Variants in ESCO1 observed in about 807,000 individuals in gnomAD.
ESCO1 encodes the protein establishment of sister chromatid cohesion N-acetyltransferase 1.
Under a neutral mutation model 83.5 loss-of-function variants are expected in ESCO1, and 33 were observed. The ratio of observed to expected loss-of-function variants is 0.40; its 90% CI spans 0.30 to 0.53. The LOEUF is 0.53. ESCO1 is among the 20% of genes least tolerant of loss of function. The probability of loss-of-function intolerance (pLI) is 0.63; values close to 1 mark genes in which losing one functional copy is unlikely to be tolerated. For synonymous variants in ESCO1, 332 were observed against 324.3 expected (o/e 1.02, Z -0.25); for missense variants, 855 against 968.0 (o/e 0.88, Z 1.55).
intron 1 of ESCO1, among the ~76,000 whole-genome samples, chr18:21,585,310 C>T (rs1238334965): frequency 1.3e-5 from 2 of 152,126 alleles, no homozygotes; most frequent in Non-Finnish European, 2.9e-5. Flanking sequence ...TTATTTTGGC[C>T]TCGGTGGGGA....
Position 21,574,165 on chromosome 18 carries a change from A to C in ESCO1, c.679T>G (p.Cys227Gly), listed in dbSNP as rs748068386. Residue 227 changes from cysteine (C) to glycine (G), a missense_variant, in exon 4 of 12, where the codon TGT becomes GGT. By Grantham distance (159) the Cys-to-Gly change is radical. Transcript: ENST00000269214. ...SSQCTQGSEK[C>G]PQKTTRRDET... ...TCTCTTCTAGTAGTCTTCTGAGGACACTTTTCAGATCCTTGCGTGCATTGA... is the reference window on the plus strand; with the variant it reads ...TCTCTTCTAGTAGTCTTCTGAGGACCCTTTTCAGATCCTTGCGTGCATTGA... 3.1e-6 allele frequency: 5 copies of C among 1,613,876 alleles called. No homozygotes were observed. The East Asian group carries it at 8.9e-5, about 29-fold the overall frequency.
chr18:21,592,282 A>G (rs566188009), intron 1 of ESCO1, among the ~76,000 whole-genome samples: 10 of 138,752 alleles, frequency 7.2e-5, no homozygotes, highest in South Asian at 2.4e-4. Context: ...TGGACGGGGC[A>G]GCTGGCCGGG....
chr18:21,552,355 C>T (rs546187888), intron 8 of ESCO1, among the ~76,000 whole-genome samples: 61 of 152,216 alleles, frequency 4.0e-4, no homozygotes, highest in Admixed American at 7.2e-4. Flanking sequence ...AGGTAATTGA[C>T]TCATGGGGGT....
chr18:21,590,413 G>C (rs1181728052), intron 1 of ESCO1, among the ~76,000 whole-genome samples: 4 of 149,562 alleles, frequency 2.7e-5, no homozygotes, highest in African/African-American at 7.4e-5. Flanking sequence ...GTAGAGATGG[G>C]GTTTCACCAT....
chr18:21,579,830 A>G (rs1021438836), intron 2 of ESCO1, among the ~76,000 whole-genome samples: 1 of 141,828 alleles, frequency 7.1e-6, no homozygotes, highest in Non-Finnish European at 1.6e-5. Context: ...ACACACACAC[A>G]CACACACACA....
chr18:21,592,609 C>T (rs1484844186), intron 1 of ESCO1, among the ~76,000 whole-genome samples: 1 of 148,964 alleles, frequency 6.7e-6, no homozygotes, highest in East Asian at 2.0e-4. Context: ...GAGGCTGACC[C>T]CCCCACCTCC....
chr18:21,557,707 T>C (rs966694808), intron 8 of ESCO1, among the ~76,000 whole-genome samples: 6 of 152,162 alleles, frequency 3.9e-5, no homozygotes, highest in African/African-American at 1.4e-4. Context: ...CAAGAACACA[T>C]ACATTGTTCT....
At chr18:21,549,975 AAAG>A (rs1291110487) in intron 8 of ESCO1, among the ~76,000 whole-genome samples, 6 of 152,096 alleles carry the variant, frequency 3.9e-5, no homozygotes, top group South Asian at 4.1e-4. Context: ...AAAAAAAAAA[AAAG>A]AAGGTCACAA....
At chr18:21,589,359 C>T (rs911557516) in intron 1 of ESCO1, among the ~76,000 whole-genome samples, 1 of 152,186 alleles carries the variant, frequency 6.6e-6, no homozygotes, top group Non-Finnish European at 1.5e-5. Context: ...TTTTCCTACA[C>T]AACCCTAGGA....
intron 8 of ESCO1, among the ~76,000 whole-genome samples, chr18:21,546,537 T>TG (rs1163731828): frequency 6.6e-6 from 1 of 152,146 alleles, no homozygotes; most frequent in Non-Finnish European, 1.5e-5. Flanking sequence ...GCATTTTAAT[T>TG]GTTTTAGTAG....
At chr18:21,558,162 T>G (rs946833392) in intron 8 of ESCO1, among the ~76,000 whole-genome samples, 3 of 151,902 alleles carry the variant, frequency 2.0e-5, no homozygotes, top group African/African-American at 4.8e-5. Flanking sequence ...ACTTTTTTTG[T>G]ACAGATGGGG....
In ESCO1 at chr18:21,574,036, C is replaced by T; in HGVS notation, c.808G>A (p.Val270Met). 1.9e-6 allele frequency: 3 copies of T among 1,613,076 alleles called. No homozygotes were observed. The highest frequency in any genetic ancestry group is 2.2e-5 in the South Asian group (2 of 91,074). ...TTTGGGAGTGTTGTGTTAGTATTCA[C>T]TTGTGTATGAACCGACTTCTTCATC... ...NEMKKSVHTQ[V>M]NTNTTLPKSP... Residue 270 changes from valine to methionine, a missense_variant, in exon 4 of 12, where the codon GTG becomes ATG. By Grantham distance (21) the Val-to-Met change is conservative. This residue lies in a region of ESCO1 where 726 missense variants were observed against 699.5 expected (regional missense o/e 1.04). Transcript: ENST00000269214.
intron 4 of ESCO1, among the ~76,000 whole-genome samples, chr18:21,569,214 C>A (rs1260338813): frequency 6.6e-6 from 1 of 152,226 alleles, no homozygotes; most frequent in Non-Finnish European, 1.5e-5. Context: ...AGCTTAAAAG[C>A]AACAACCATA....
intron 1 of ESCO1, among the ~76,000 whole-genome samples, chr18:21,590,349 G>C (rs1302835840): frequency 2.0e-5 from 3 of 151,232 alleles, no homozygotes; most frequent in Admixed American, 1.3e-4. Context: ...AGCCTCCTCA[G>C]TAGCTGGGAC....
chr18:21,582,262 T>C (rs1261487001), intron 2 of ESCO1, among the ~76,000 whole-genome samples: 1 of 151,254 alleles, frequency 6.6e-6, no homozygotes, highest in Non-Finnish European at 1.5e-5. Flanking sequence ...GGAGTTTCGC[T>C]CCTGTTGTCC....
At chr18:21,579,795 C>CG (rs1568109865) in intron 2 of ESCO1, among the ~76,000 whole-genome samples, 1 of 10,588 alleles carries the variant, frequency 9.4e-5, no homozygotes, top group African/African-American at 1.3e-4. Context: ...CGCGCGCGCG[C>CG]ACACACACAC....
intron 4 of ESCO1, among the ~76,000 whole-genome samples, chr18:21,568,835 G>C (rs11664857): frequency 6.6e-6 from 1 of 151,262 alleles, no homozygotes; most frequent in East Asian, 1.9e-4. Context: ...CCTGGGAGGC[G>C]GAGGTTGCAG....
chr18:21,560,751 T>A, intron 8 of ESCO1, 108 bp downstream of exon 8: 1 of 1,363,956 alleles, frequency 7.3e-7, no homozygotes, highest in South Asian at 1.4e-5. Flanking sequence ...TATTATTATC[T>A]CTTAAAAACA....
chr18:21,596,624 G>A (rs142207819), intron 1 of ESCO1, among the ~76,000 whole-genome samples: 2,025 of 152,208 alleles, frequency 0.013, 42 homozygotes, highest in African/African-American at 0.046. Context: ...CCTGAGGTCA[G>A]GAGTTCAAGA....
Sources: gnomAD v4.1 joint callset for allele counts (sites outside exome capture counted in the v4.1 genomes callset) on GRCh38, gnomAD v4.1.1 for gene constraint, gnomAD v4.1.1 regional missense constraint, MANE v1.5 for transcripts, NCBI Gene and HGNC (gene_info 2026-07-23, HGNC 2026-07-21) for gene names.